Variants in MCC observed in about 807,000 individuals in gnomAD.
MCC encodes MCC regulator of Wnt signaling pathway.
MCC carries 90 observed loss-of-function variants against 116.2 expected under a neutral mutation model. The ratio of observed to expected loss-of-function variants is 0.77; its 90% confidence interval spans 0.65 to 0.92. The LOEUF is 0.92. Among genes scored for constraint, MCC ranks in the 40% least tolerant of loss-of-function variants. MCC has a pLI of 0.00. For missense variants in MCC, 1,516 were observed against 1,312.2 expected (o/e 1.16, Z -2.40); for synonymous variants, 578 against 510.5 (o/e 1.13, Z -1.78).
chr5:113,176,195 C>A (rs566773946), intron 3 of MCC, among the ~76,000 whole-genome samples: 3 of 152,180 alleles, frequency 2.0e-5, no homozygotes, highest in East Asian at 3.9e-4. Flanking sequence ...ATGCCCATTT[C>A]TTGTACTGTA....
chr5:113,259,040 A>AAAATGTT (rs138124705), intron 3 of MCC, among the ~76,000 whole-genome samples: 5,343 of 152,240 alleles, frequency 0.035, 254 homozygotes, highest in African/African-American at 0.11. Context: ...GATGTGTGTA[A>AAAATGTT]AAATGTTAAA....
intron 3 of MCC, among the ~76,000 whole-genome samples, chr5:113,310,241 G>A (rs1245020054): frequency 6.6e-6 from 1 of 152,218 alleles, no homozygotes; most frequent in Non-Finnish European, 1.5e-5. Flanking sequence ...TTACAAAAGG[G>A]CTTGAGGTTG....
rs543980735 is a variant in MCC, at chr5:113,035,893, G to T, written c.2757-6837C>A. Reference sequence around the variant, plus strand: ...CACCACAATGTTTACTTATTTTTTAGAAAATCCAGGCAGCAGATAACAGCT... The same window carrying T: ...CACCACAATGTTTACTTATTTTTTATAAAATCCAGGCAGCAGATAACAGCT... On this transcript the variant is annotated intron_variant, in intron 17 of 18. Transcript: ENST00000408903. Among the ~76,000 whole-genome samples, 53 of 151,594 alleles carry T rather than the reference G, an allele frequency of 3.5e-4. No individual in the cohort carries two copies. In the South Asian group the frequency reaches 0.011, roughly 31 times the overall value.
chr5:113,122,919 G>A (rs888064467), intron 5 of MCC, 93 bp from the exon 6 acceptor site: 1 of 1,344,196 alleles, frequency 7.4e-7, no homozygotes, highest in African/African-American at 1.5e-5. Flanking sequence ...AAGACATTGA[G>A]AGAGAAAACA....
chr5:113,062,392 T>A (rs938290548), intron 14 of MCC, among the ~76,000 whole-genome samples: 31 of 152,264 alleles, frequency 2.0e-4, no homozygotes, highest in African/African-American at 7.5e-4. Flanking sequence ...TGACTGGTTC[T>A]AAATTTGTCT....
intron 3 of MCC, among the ~76,000 whole-genome samples, chr5:113,155,391 A>C (rs558335968): frequency 6.6e-6 from 1 of 152,306 alleles, no homozygotes; most frequent in African/African-American, 2.4e-5. Flanking sequence ...TTTGCTTTGA[A>C]CAAATACCCA....
chr5:113,311,504 T>A (rs568768657), intron 3 of MCC, among the ~76,000 whole-genome samples: 1 of 152,288 alleles, frequency 6.6e-6, no homozygotes, highest in African/African-American at 2.4e-5. Context: ...TCCTCAGATA[T>A]ATGAGTGAGT....
In MCC at chr5:113,423,742, T is replaced by C. The variant is rs1359376697; in HGVS notation, c.171-38530A>G. On this transcript the variant is annotated intron_variant, in intron 1 of 18. Coordinates refer to ENST00000408903, the MANE Select transcript of MCC (RefSeq NM_001085377.2). ...TGTGTGTAAGAAGCCATTAGATCTC[T>C]ATTTCCCACCCCCAACCCGGCACAG... Among the ~76,000 whole-genome samples the C allele has an allele frequency of 2.0e-5, 3 of 152,250 alleles. No individual in the cohort carries two copies. In the South Asian group the frequency reaches 6.2e-4, roughly 32 times the overall value.
At chr5:113,248,840 T>C (rs1470318080) in intron 3 of MCC, among the ~76,000 whole-genome samples, 2 of 148,948 alleles carry the variant, frequency 1.3e-5, no homozygotes, top group Non-Finnish European at 3.0e-5. Context: ...TTCTTTTTTT[T>C]TTTTTGAGAT....
At chr5:113,214,339 C>T (rs1043686191) in intron 3 of MCC, among the ~76,000 whole-genome samples, 1 of 152,246 alleles carries the variant, frequency 6.6e-6, no homozygotes, top group African/African-American at 2.4e-5. Context: ...GAGATCCTTT[C>T]TCCACCACAT....
At chr5:113,306,101 C>T (rs1043697233) in intron 3 of MCC, among the ~76,000 whole-genome samples, 1 of 152,040 alleles carries the variant, frequency 6.6e-6, no homozygotes, top group Admixed American at 6.6e-5. Flanking sequence ...CTTTTTATTG[C>T]CAAATAATAT....
chr5:113,215,584 C>G (rs976096424), intron 3 of MCC, among the ~76,000 whole-genome samples: 1 of 152,054 alleles, frequency 6.6e-6, no homozygotes, highest in African/African-American at 2.4e-5. Flanking sequence ...GAGGGCGGTT[C>G]GGCTGACTTG....
chr5:113,357,002 A>G (rs1435923034), intron 2 of MCC, among the ~76,000 whole-genome samples: 1 of 152,192 alleles, frequency 6.6e-6, no homozygotes, highest in African/African-American at 2.4e-5. Context: ...GCTCATTTGC[A>G]TAGAATAGTG....
intron 7 of MCC, among the ~76,000 whole-genome samples, chr5:113,102,517 T>C (rs947240108): frequency 8.5e-5 from 13 of 152,206 alleles, no homozygotes; most frequent in African/African-American, 2.7e-4. Flanking sequence ...ATAAACCTCA[T>C]TGACACAGAA....
At chr5:113,262,992 A>G (rs1369829946) in intron 3 of MCC, among the ~76,000 whole-genome samples, 2 of 152,194 alleles carry the variant, frequency 1.3e-5, no homozygotes, top group Non-Finnish European at 2.9e-5. Flanking sequence ...TGGAATCCTG[A>G]CACATTTTTC....
At chr5:113,305,498 C>T (rs891987120) in intron 3 of MCC, among the ~76,000 whole-genome samples, 1 of 152,210 alleles carries the variant, frequency 6.6e-6, no homozygotes, top group Non-Finnish European at 1.5e-5. Flanking sequence ...TAAATGGAAT[C>T]ATAGTTTCCA....
At chr5:113,235,275 T>C (rs1764087797) in intron 3 of MCC, among the ~76,000 whole-genome samples, 2 of 152,228 alleles carry the variant, frequency 1.3e-5, no homozygotes, top group South Asian at 4.1e-4. Context: ...ACTTGAGAAA[T>C]GAATCAAAGA....
At chr5:113,048,218 C>G (rs1334495504) in intron 16 of MCC, among the ~76,000 whole-genome samples, 1 of 152,194 alleles carries the variant, frequency 6.6e-6, no homozygotes, top group Non-Finnish European at 1.5e-5. Context: ...CTGTAGCTCC[C>G]CCTTAACTGC....
At chr5:113,156,510 G>A (rs762398270) in intron 3 of MCC, among the ~76,000 whole-genome samples, 4 of 152,198 alleles carry the variant, frequency 2.6e-5, no homozygotes, top group African/African-American at 7.2e-5. Flanking sequence ...CTGGAGAAGC[G>A]TTATCACCTG....
Sources: allele counts gnomAD v4.1 joint callset (sites outside exome capture counted in the v4.1 genomes callset), GRCh38; gene constraint gnomAD v4.1.1; transcripts MANE v1.5; gene names NCBI Gene and HGNC (gene_info 2026-07-23, HGNC 2026-07-21).